The following GOSR2 variants were observed in gnomAD, a reference collection of about 807,000 sequenced individuals.
GOSR2 encodes the protein 27 kDa Golgi SNARE protein.
Under a neutral mutation model 27.9 loss-of-function variants are expected in GOSR2, and 20 were observed. The ratio of observed to expected loss-of-function variants is 0.72; its 90% CI spans 0.50 to 1.04. The LOEUF is 1.04. Ranked by LOEUF, GOSR2 falls within the 50% of genes least tolerant of loss-of-function variation. GOSR2 has a pLI of 0.00. For synonymous variants in GOSR2, 91 were observed against 98.8 expected (o/e 0.92, Z 0.47); for missense variants, 261 against 270.5 (o/e 0.97, Z 0.25).
At chr17:46,935,851 C>A (rs1568179167) in intron 5 of GOSR2, 1 of 986,208 alleles carries the variant, frequency 1.0e-6, no homozygotes, top group Non-Finnish European at 1.2e-6. Flanking sequence ...CTGCCCTTTT[C>A]CTGTATCAAC....
At chr17:46,954,601 A>G (rs565457329) in intron 6 of GOSR2, among the ~76,000 whole-genome samples, 1 of 151,898 alleles carries the variant, frequency 6.6e-6, no homozygotes, top group South Asian at 2.1e-4. Flanking sequence ...CATTGAATCT[A>G]TAAATTACCT....
At position 46,935,283 on chromosome 17, in the gene GOSR2, A is replaced by G. The variant is rs376284125; in HGVS notation, c.477+114A>G. 296 of 1,592,762 alleles carry G rather than the reference A, an allele frequency of 1.9e-4. No homozygotes were observed. In the African/African-American group the frequency reaches 3.6e-3, roughly 19 times the overall value. The stretch of plus-strand genomic sequence containing the variant: ...GTCCTCAAATTGTGATATTTTGATG[A>G]CAAGACAGAGCCCTTGAGTTTGGGA... On this transcript the variant is annotated intron_variant, in intron 5 of 5. Coordinates refer to ENST00000640051, the MANE Select transcript of GOSR2 (RefSeq NM_004287.5).
At chr17:46,951,739 CCT>C (rs1176030380) in intron 6 of GOSR2, among the ~76,000 whole-genome samples, 2 of 152,138 alleles carry the variant, frequency 1.3e-5, no homozygotes, top group East Asian at 3.9e-4. Context: ...GAAAAGGAAA[CCT>C]CTAATTTTCT....
intron 2 of GOSR2, chr17:46,930,444 C>T (rs973181251): frequency 1.3e-5 from 2 of 152,144 alleles, no homozygotes; most frequent in Non-Finnish European, 1.5e-5. Context: ...ACTGTCTTAT[C>T]GAAAGGGATA....
chr17:46,951,877 G>C (rs1431596571), intron 6 of GOSR2, among the ~76,000 whole-genome samples: 1 of 151,932 alleles, frequency 6.6e-6, no homozygotes, highest in Non-Finnish European at 1.5e-5. Flanking sequence ...CGGGGTGTTT[G>C]CCTCGCTGCT....
chr17:46,965,913 G>T (rs1379451446), intron 6 of GOSR2, among the ~76,000 whole-genome samples: 2 of 151,634 alleles, frequency 1.3e-5, no homozygotes, highest in African/African-American at 2.4e-5. Context: ...TTACAGACGT[G>T]AGCCACTGTG....
chr17:46,939,016 T>A lies in GOSR2; in HGVS notation c.*256T>A. Reference sequence around the variant, plus strand: ...CCGGGTCTGTCTCTCTCACTCTCGCTCTCACTGGGGGAGGGAAAGAATGGC... The same window carrying A: ...CCGGGTCTGTCTCTCTCACTCTCGCACTCACTGGGGGAGGGAAAGAATGGC... On this transcript the variant is annotated 3_prime_UTR_variant, in exon 6 of 6. Coordinates refer to ENST00000640051, the MANE Select transcript of GOSR2 (RefSeq NM_004287.5). 6.0e-6 allele frequency: 8 copies of A among 1,324,350 alleles called. No homozygotes were observed. Among genetic ancestry groups the A allele is most frequent in the Non-Finnish European group, 7.8e-6 (8 of 1,025,112 alleles). 82.0% of individuals were successfully genotyped at this position (1,324,350 alleles called of 1,614,324 possible). A position where few individuals can be genotyped will look rare whatever the true frequency, so the allele number is the denominator to read the frequency against.
At chr17:46,974,990 T>C (rs1218489706) in intron 6 of GOSR2, among the ~76,000 whole-genome samples, 3 of 12,994 alleles carry the variant, frequency 2.3e-4, no homozygotes, top group Admixed American at 8.3e-4. Flanking sequence ...CTATTTTCTT[T>C]TTTTTTTTTT....
At chr17:46,924,565 C>T (rs1352924633) in intron 1 of GOSR2, 1 of 152,190 alleles carries the variant, frequency 6.6e-6, no homozygotes, top group Non-Finnish European at 1.5e-5. Context: ...AAATGAAATG[C>T]CCTGAAGCAT....
chr17:46,956,348 T>C (rs1029003944), intron 6 of GOSR2, among the ~76,000 whole-genome samples: 37 of 138,800 alleles, frequency 2.7e-4, no homozygotes, highest in African/African-American at 9.1e-4. Context: ...TGGAGTGCAA[T>C]GCTGCCATCT....
At chr17:46,935,535 C>T (rs573615155) in intron 5 of GOSR2, 33 of 1,248,806 alleles carry the variant, frequency 2.6e-5, no homozygotes, top group African/African-American at 6.1e-5. Flanking sequence ...TTTGGTACCT[C>T]GCTTTAAGGT....
intron 5 of GOSR2, chr17:46,935,533 CT>C: frequency 7.9e-7 from 1 of 1,258,596 alleles, no homozygotes; most frequent in Non-Finnish European, 1.0e-6. Flanking sequence ...CCTTTGGTAC[CT>C]CGCTTTAAGG....
intron 5 of GOSR2, chr17:46,937,719 G>C (rs2088630442): frequency 6.6e-6 from 1 of 152,162 alleles, no homozygotes; most frequent in Admixed American, 6.5e-5. Flanking sequence ...CTCCCAGTAT[G>C]TTTCCAAGGT....
chr17:46,966,986 C>T (rs1014428192), exon 7 of GOSR2: 18 of 288,262 alleles, frequency 6.2e-5, no homozygotes, highest in African/African-American at 3.2e-4. Context: ...GATTAAATGT[C>T]TTTGATTTCT....
intron 1 of GOSR2, chr17:46,923,831 A>T: frequency 2.5e-6 from 1 of 399,426 alleles, no homozygotes; most frequent in Non-Finnish European, 4.4e-6. Context: ...CTTTATTCGC[A>T]TCGTCCTGCA....
At chr17:46,944,308 A>G (rs1163991219), downstream of GOSR2, among the ~76,000 whole-genome samples, 2 of 152,244 alleles carry the variant, frequency 1.3e-5, no homozygotes, top group Non-Finnish European at 2.9e-5. Flanking sequence ...TGAGCCCAGG[A>G]TGCAGAGCCT....
intron 6 of GOSR2, among the ~76,000 whole-genome samples, chr17:46,961,829 T>C (rs972822004): frequency 6.6e-6 from 1 of 152,216 alleles, no homozygotes; most frequent in East Asian, 1.9e-4. Context: ...TAATGCCTAC[T>C]GTATGCAGAG....
intron 6 of GOSR2, chr17:46,965,168 G>T (rs1599250846): frequency 2.0e-5 from 3 of 152,220 alleles, no homozygotes; most frequent in Non-Finnish European, 4.4e-5. Flanking sequence ...TCTCGGGTGG[G>T]CAGGGCCCAG....
intron 6 of GOSR2, among the ~76,000 whole-genome samples, chr17:46,958,982 T>C (rs2090901683): frequency 6.6e-6 from 1 of 152,158 alleles, no homozygotes; most frequent in Non-Finnish European, 1.5e-5. Flanking sequence ...TCACTGCCAA[T>C]GCAAAAATAA....
Sources: allele counts gnomAD v4.1 joint callset (sites outside exome capture counted in the v4.1 genomes callset), GRCh38; gene constraint gnomAD v4.1.1; transcripts MANE v1.5; gene names NCBI Gene and HGNC (gene_info 2026-07-23, HGNC 2026-07-21).